NAALADL2: variants seen among roughly 807,000 people sequenced by gnomAD.
NAALADL2 encodes the protein N-acetylated alpha-linked acidic dipeptidase like 2.
NAALADL2 carries 76 observed loss-of-function variants against 87.2 expected under a neutral mutation model. The observed-to-expected ratio is 0.87, with a 90% CI of 0.72 to 1.05. The LOEUF (loss-of-function observed/expected upper bound fraction) is 1.05. Ranked by LOEUF, NAALADL2 falls within the 50% of genes least tolerant of loss-of-function variation. The pLI is 0.00. For synonymous variants in NAALADL2, 354 were observed against 331.0 expected (o/e 1.07, Z -0.75); for missense variants, 1,089 against 945.8 (o/e 1.15, Z -1.99).
intron 1 of NAALADL2, among the ~76,000 whole-genome samples, chr3:175,066,052 T>C (rs1352250369): frequency 2.6e-5 from 4 of 152,148 alleles, no homozygotes; most frequent in Non-Finnish European, 5.9e-5. Flanking sequence ...GCCCCTTCAG[T>C]GTCTGTATTC....
chr3:174,753,741 C>T lies in NAALADL2; in HGVS notation c.-9+15995C>T, dbSNP rs149861184. On this transcript the variant is annotated intron_variant, in intron 3 of 3. Transcript: ENST00000434257. Reference sequence around the variant, plus strand: ...ACCCTTTGTTTGTTCCAGCAAAGTCCCCACTATGCACTGAATTGTGTCCCT... The same window carrying T: ...ACCCTTTGTTTGTTCCAGCAAAGTCTCCACTATGCACTGAATTGTGTCCCT... Among the ~76,000 whole-genome samples the T allele has an allele frequency of 2.6e-3, 392 of 152,218 alleles. 5 individuals are homozygous for T. Among genetic ancestry groups the T allele is most frequent in the African/African-American group, 9.0e-3 (374 of 41,510 alleles).
At chr3:175,090,932 C>T (rs1204894655) in intron 1 of NAALADL2, among the ~76,000 whole-genome samples, 2 of 151,114 alleles carry the variant, frequency 1.3e-5, no homozygotes, top group Non-Finnish European at 2.9e-5. Context: ...TTTACAGATA[C>T]TATAGCAGTT....
chr3:175,494,301 T>C (rs1728512481), intron 9 of NAALADL2, among the ~76,000 whole-genome samples: 1 of 152,276 alleles, frequency 6.6e-6, no homozygotes, highest in East Asian at 1.9e-4. Context: ...ATTTTTCTGT[T>C]ACAATATGGT....
intron 1 of NAALADL2, among the ~76,000 whole-genome samples, chr3:175,028,372 A>G (rs1226453006): frequency 3.3e-5 from 5 of 152,116 alleles, no homozygotes; most frequent in African/African-American, 1.2e-4. Context: ...ATATATGGGT[A>G]AGGACAATTG....
intron 5 of NAALADL2, among the ~76,000 whole-genome samples, chr3:175,406,063 T>C (rs1712314495): frequency 6.6e-6 from 1 of 152,196 alleles, no homozygotes; most frequent in African/African-American, 2.4e-5. Context: ...TTATAGCCGG[T>C]GTTGCAGTAC....
chr3:174,501,369 C>T (rs1378786037), intron 1 of NAALADL2, among the ~76,000 whole-genome samples: 8 of 143,008 alleles, frequency 5.6e-5, no homozygotes, highest in African/African-American at 1.2e-4. Context: ...TGAGCCACCG[C>T]GCCCGGCCTT....
intron 2 of NAALADL2, among the ~76,000 whole-genome samples, chr3:175,223,919 T>TA (rs1743782085): frequency 6.6e-6 from 1 of 152,176 alleles, no homozygotes; most frequent in Non-Finnish European, 1.5e-5. Context: ...ACATATGTTC[T>TA]AAAAAACTCT....
At chr3:175,630,922 G>A (rs533172450) in intron 11 of NAALADL2, among the ~76,000 whole-genome samples, 1 of 151,470 alleles carries the variant, frequency 6.6e-6, no homozygotes, top group Admixed American at 6.6e-5. Context: ...CAATATTAAA[G>A]CATTTTCAAG....
chr3:174,893,057 G>T (rs1238804333), intron 1 of NAALADL2, among the ~76,000 whole-genome samples: 1 of 152,020 alleles, frequency 6.6e-6, no homozygotes, highest in Admixed American at 6.6e-5. Flanking sequence ...AGCAGCAAGA[G>T]AAGAGAAACA....
At chr3:175,496,433 A>T (rs114722402) in intron 9 of NAALADL2, among the ~76,000 whole-genome samples, 4,864 of 152,058 alleles carry the variant, frequency 0.032, 282 homozygotes, top group African/African-American at 0.11. Flanking sequence ...TCATTTATAT[A>T]AAATTATTAT....
At chr3:175,058,599 G>T (rs554818337) in intron 1 of NAALADL2, among the ~76,000 whole-genome samples, 40 of 152,280 alleles carry the variant, frequency 2.6e-4, no homozygotes, top group African/African-American at 9.6e-4. Context: ...TCAACACTTG[G>T]TGGAGGCAGG....
intron 11 of NAALADL2, among the ~76,000 whole-genome samples, chr3:175,710,343 G>A (rs1740355892): frequency 1.3e-5 from 2 of 151,818 alleles, no homozygotes; most frequent in South Asian, 4.2e-4. Context: ...TAGAAGTTAG[G>A]GGAAAAGAAT....
Position 174,929,846 on chromosome 3 carries a change from T to A in NAALADL2, c.43+70396T>A, listed in dbSNP as rs370701712. Among the ~76,000 whole-genome samples the A allele has an allele frequency of 7.2e-5, 11 of 152,342 alleles. No homozygotes were observed. In the East Asian group the frequency reaches 1.7e-3, roughly 24 times the overall value. The stretch of plus-strand genomic sequence containing the variant: ...TTAGCCAACTTAATTAACATTTCTA[T>A]AAGATTTCTTAGCCTTTCCTGTAAA... On this transcript the variant is annotated intron_variant, in intron 1 of 13. Coordinates refer to ENST00000454872, the MANE Select transcript of NAALADL2 (RefSeq NM_207015.3).
chr3:174,733,220 G>A (rs1732872209), intron 2 of NAALADL2, among the ~76,000 whole-genome samples: 1 of 152,074 alleles, frequency 6.6e-6, no homozygotes, highest in African/African-American at 2.4e-5. Context: ...TTTAGGTAAC[G>A]CTTAAAAGGT....
intron 2 of NAALADL2, among the ~76,000 whole-genome samples, chr3:175,168,514 T>C (rs1043992738): frequency 1.4e-4 from 22 of 151,848 alleles, no homozygotes; most frequent in Admixed American, 1.1e-3. Context: ...GGAAATACTT[T>C]AAAAATAATT....
At chr3:175,697,947 A>G (rs200020249) in intron 11 of NAALADL2, among the ~76,000 whole-genome samples, 1 of 2,764 alleles carries the variant, frequency 3.6e-4, no homozygotes, top group African/African-American at 1.0e-3. Context: ...ATGTGTATAT[A>G]TGTATGTATA....
intron 4 of NAALADL2, among the ~76,000 whole-genome samples, chr3:175,317,152 G>A (rs944901633): frequency 2.0e-5 from 3 of 152,058 alleles, no homozygotes; most frequent in African/African-American, 7.2e-5. Context: ...GTTCTGTATT[G>A]ATTATAAAAG....
chr3:175,645,675 C>T (rs1437427485), intron 11 of NAALADL2, among the ~76,000 whole-genome samples: 1 of 151,984 alleles, frequency 6.6e-6, no homozygotes. Flanking sequence ...AAGGCCATGT[C>T]ACTGGAAACT....
intron 9 of NAALADL2, among the ~76,000 whole-genome samples, chr3:175,481,058 T>C (rs755687959): frequency 6.6e-6 from 1 of 151,842 alleles, no homozygotes; most frequent in Non-Finnish European, 1.5e-5. Context: ...GGAAATGCGA[T>C]CTGTAATTTT....
Sources: gnomAD v4.1 joint callset for allele counts (sites outside exome capture counted in the v4.1 genomes callset) on GRCh38, gnomAD v4.1.1 for gene constraint, MANE v1.5 for transcripts, NCBI Gene and HGNC (gene_info 2026-07-23, HGNC 2026-07-21) for gene names.